Variants in CMIP observed in about 807,000 individuals in gnomAD.
The protein encoded by CMIP is C-Maf-inducing protein.
Under a neutral mutation model 97.3 loss-of-function variants are expected in CMIP, and 13 were observed. That is an observed-to-expected ratio of 0.13 (90% CI 0.09 to 0.21). CMIP has a LOEUF of 0.21. Ranked by LOEUF, CMIP falls within the 10% of genes least tolerant of loss-of-function variation. CMIP has a pLI of 1.00. For synonymous variants in CMIP, 538 were observed against 436.3 expected (o/e 1.23, Z -2.91); for missense variants, 847 against 1,024.9 (o/e 0.83, Z 2.37).
At chr16:81,505,081 C>T (rs1302453430) in intron 1 of CMIP, among the ~76,000 whole-genome samples, 3 of 152,232 alleles carry the variant, frequency 2.0e-5, no homozygotes, top group Non-Finnish European at 4.4e-5. Context: ...CAGGGCACAT[C>T]AGTCGGGAGC....
intron 1 of CMIP, among the ~76,000 whole-genome samples, chr16:81,473,216 C>T (rs1390143069): frequency 3.3e-5 from 5 of 152,242 alleles, no homozygotes; most frequent in African/African-American, 7.2e-5. Flanking sequence ...TGCAGGACGA[C>T]GTGAACAGGC....
chr16:81,565,151 C>G lies in CMIP; in HGVS notation c.301-42416C>G, dbSNP rs138310553. Among the ~76,000 whole-genome samples the G allele has an allele frequency of 6.4e-3, 974 of 152,220 alleles. 4 individuals carry two copies. Among genetic ancestry groups the G allele is most frequent in the South Asian group, 0.034 (164 of 4,820 alleles). ...ATGGTAACCATGGCATTACAGAAAG[C>G]CCTCCTTCGGCCAAGGGATGCCCCA... On this transcript the variant is annotated intron_variant, in intron 1 of 20. Coordinates refer to ENST00000537098, the MANE Select transcript of CMIP (RefSeq NM_198390.3).
At chr16:81,605,572 C>G (rs140083034) in intron 1 of CMIP, among the ~76,000 whole-genome samples, 4,025 of 152,342 alleles carry the variant, frequency 0.026, 79 homozygotes, top group Non-Finnish European at 0.038. Flanking sequence ...GAGTGACCCA[C>G]CCTTCTCTCC....
intron 2 of CMIP, among the ~76,000 whole-genome samples, chr16:81,607,913 T>C (rs1394897495): frequency 6.6e-6 from 1 of 152,192 alleles, no homozygotes; most frequent in Non-Finnish European, 1.5e-5. Context: ...CCTGCTGCAG[T>C]CTAGGAACTT....
intron 2 of CMIP, among the ~76,000 whole-genome samples, chr16:81,608,642 G>C (rs2091782420): frequency 6.6e-6 from 1 of 151,958 alleles, no homozygotes; most frequent in Non-Finnish European, 1.5e-5. Context: ...GCCCCACCAG[G>C]ACCACACAGA....
intron 1 of CMIP, among the ~76,000 whole-genome samples, chr16:81,566,182 G>A (rs1036901932): frequency 1.3e-5 from 2 of 152,212 alleles, no homozygotes; most frequent in African/African-American, 4.8e-5. Flanking sequence ...CAAGAAGGAG[G>A]GTGCGCCGGT....
intron 1 of CMIP, among the ~76,000 whole-genome samples, chr16:81,576,360 C>T (rs542678441): frequency 2.6e-5 from 4 of 152,132 alleles, no homozygotes; most frequent in South Asian, 2.1e-4. Flanking sequence ...GCTGAGATCA[C>T]GTCACTGAAC....
chr16:81,513,524 C>G (rs904312151), intron 1 of CMIP, among the ~76,000 whole-genome samples: 3 of 152,250 alleles, frequency 2.0e-5, no homozygotes, highest in African/African-American at 7.2e-5. Context: ...CTTTGTTTCT[C>G]TGCCGTGTCG....
intron 3 of CMIP, among the ~76,000 whole-genome samples, chr16:81,634,531 G>A (rs2092209180): frequency 6.6e-6 from 1 of 152,150 alleles, no homozygotes; most frequent in Non-Finnish European, 1.5e-5. Flanking sequence ...AGAATTCACT[G>A]TGGTGAACAC....
chr16:81,542,208 T>C (rs1363335900), intron 1 of CMIP, among the ~76,000 whole-genome samples: 5 of 152,148 alleles, frequency 3.3e-5, no homozygotes, highest in Non-Finnish European at 7.4e-5. Flanking sequence ...CAGGAGTTGG[T>C]TGATTTTGAA....
chr16:81,601,393 C>T (rs193050709), intron 1 of CMIP, among the ~76,000 whole-genome samples: 2 of 151,668 alleles, frequency 1.3e-5, no homozygotes, highest in Admixed American at 6.6e-5. Context: ...CTGCCAGCAT[C>T]GGGGGCCCAA....
At chr16:81,658,049 T>G (rs1292920163) in intron 5 of CMIP, among the ~76,000 whole-genome samples, 1 of 152,226 alleles carries the variant, frequency 6.6e-6, no homozygotes, top group African/African-American at 2.4e-5. Context: ...GTAGCAAATG[T>G]ATCATAATCG....
chr16:81,615,941 A>G (rs945149738), intron 2 of CMIP, among the ~76,000 whole-genome samples: 1 of 152,090 alleles, frequency 6.6e-6, no homozygotes, highest in African/African-American at 2.4e-5. Context: ...GCCTTCTTCC[A>G]AAGTGCAGCC....
intron 1 of CMIP, among the ~76,000 whole-genome samples, chr16:81,468,313 A>T (rs1172357982): frequency 1.3e-5 from 2 of 152,206 alleles, no homozygotes; most frequent in African/African-American, 4.8e-5. Flanking sequence ...CCCCCAGGTG[A>T]TGTGTCCGTT....
intron 13 of CMIP, chr16:81,696,190 CAGA>C (rs1030810421): frequency 1.3e-5 from 4 of 314,572 alleles, no homozygotes; most frequent in African/African-American, 6.7e-5. Flanking sequence ...GAAGGCATAG[CAGA>C]AGGAGAAAGG....
chr16:81,707,396 C>G (rs1908269816), intron 20 of CMIP, among the ~76,000 whole-genome samples: 1 of 152,202 alleles, frequency 6.6e-6, no homozygotes, highest in Admixed American at 6.5e-5. Flanking sequence ...TGCCAAGGTC[C>G]TGAGACAGAA....
At chr16:81,566,671 G>C (rs907242114) in intron 1 of CMIP, among the ~76,000 whole-genome samples, 1 of 152,208 alleles carries the variant, frequency 6.6e-6, no homozygotes, top group African/African-American at 2.4e-5. Flanking sequence ...AGAGAACTGA[G>C]TGCTTCTGTC....
At chr16:81,467,070 C>A (rs1284838629) in intron 1 of CMIP, among the ~76,000 whole-genome samples, 1 of 152,226 alleles carries the variant, frequency 6.6e-6, no homozygotes, top group Non-Finnish European at 1.5e-5. Flanking sequence ...GAACAAGGAT[C>A]TTCTTGGGCT....
intron 2 of CMIP, among the ~76,000 whole-genome samples, chr16:81,608,786 C>CA (rs2091784680): frequency 6.6e-6 from 1 of 152,182 alleles, no homozygotes; most frequent in Non-Finnish European, 1.5e-5. Flanking sequence ...AGTCTGAAAC[C>CA]CCTCATCTAG....
Sources: gnomAD v4.1 joint callset for allele counts (sites outside exome capture counted in the v4.1 genomes callset) on GRCh38, gnomAD v4.1.1 for gene constraint, MANE v1.5 for transcripts, NCBI Gene and HGNC (gene_info 2026-07-23, HGNC 2026-07-21) for gene names.